The following TLE3 variants were observed in gnomAD, a reference collection of about 807,000 sequenced individuals.
TLE3 encodes transducin-like enhancer protein 3.
TLE3 carries 14 observed loss-of-function variants against 93.0 expected under a neutral mutation model. The ratio of observed to expected loss-of-function variants is 0.15; its 90% CI spans 0.10 to 0.24. TLE3 has a LOEUF of 0.24. TLE3 is among the 10% of genes least tolerant of loss of function. The pLI is 1.00. For synonymous variants in TLE3, 451 were observed against 425.0 expected (o/e 1.06, Z -0.75); for missense variants, 693 against 1,046.6 (o/e 0.66, Z 4.66).
At chr15:70,096,625 C>T (rs1436711731) in intron 1 of TLE3, 150 bp downstream of exon 1, 2 of 1,544,574 alleles carry the variant, frequency 1.3e-6, no homozygotes, top group Non-Finnish European at 1.7e-6. Flanking sequence ...CTCAACGGCG[C>T]CCCCCGGCCG....
Position 70,048,503 on chromosome 15 carries a change from A to G in TLE3, c.*1594T>C, listed in dbSNP as rs1226390439. 6.6e-6 allele frequency: 1 copy of G among 152,224 alleles called. No individual in the cohort carries two copies. Among genetic ancestry groups the G allele is most frequent in the Non-Finnish European group, 1.5e-5 (1 of 68,044 alleles). 9.4% of individuals were successfully genotyped at this position (152,224 alleles called of 1,614,324 possible). A position where few individuals can be genotyped will look rare whatever the true frequency, so the allele number is the denominator to read the frequency against. ...CTGGAGCCCCTCCCACCTCCTCAGC[A>G]GACGGAATCACACATTACAAAATAA... On this transcript the variant is annotated 3_prime_UTR_variant, in exon 20 of 20. Transcript: ENST00000451782.
chr15:70,095,245 C>A, intron 3 of TLE3: 1 of 1,188,776 alleles, frequency 8.4e-7, no homozygotes, highest in Non-Finnish European at 1.1e-6. Flanking sequence ...ATGGGCTGGT[C>A]CAATCCTATC....
chr15:70,074,849 G>A (rs1371824579), intron 5 of TLE3, among the ~76,000 whole-genome samples: 1 of 152,230 alleles, frequency 6.6e-6, no homozygotes, highest in Non-Finnish European at 1.5e-5. Flanking sequence ...CTAAAACAAA[G>A]AGCATGCCAA....
chr15:70,089,907 C>T (rs747096633), intron 4 of TLE3, among the ~76,000 whole-genome samples: 44 of 152,204 alleles, frequency 2.9e-4, no homozygotes, highest in Admixed American at 3.9e-4. Flanking sequence ...GTGTCTGCCA[C>T]GGGCTCCTGG....
Position 70,094,571 on chromosome 15 carries a change from A to G in TLE3, c.195T>C (p.Tyr65=), listed in dbSNP as rs750150010. The G allele has an allele frequency of 1.3e-6, 2 of 1,536,150 alleles. No individual in the cohort carries two copies. The highest frequency in any genetic ancestry group is 4.8e-5 in the East Asian group (2 of 42,092). The change falls in exon 4 of 20, where the codon TAT becomes TAC. Residue 65 remains tyrosine, a synonymous_variant. Transcript: ENST00000451782. ...CAATGTTCAAGCCATAGGACATCTC[A>G]TAGTACTAAAAGTAAAAAGAATGGC... is the stretch of plus-strand genomic sequence containing the variant. ...TEMQRHYVMY[Y]EMSYGLNIEM...
At chr15:70,066,291 G>T in intron 6 of TLE3, 73 bp from the exon 7 acceptor site, 1 of 1,323,020 alleles carries the variant, frequency 7.6e-7, no homozygotes, top group South Asian at 1.6e-5. Flanking sequence ...CAGGAGGGAG[G>T]GAGGGAGTGG....
intron 4 of TLE3, among the ~76,000 whole-genome samples, chr15:70,080,328 T>A (rs931458461): frequency 6.6e-6 from 1 of 152,234 alleles, no homozygotes; most frequent in African/African-American, 2.4e-5. Context: ...GAAAGCACTT[T>A]GGAAAAGGTG....
rs1245136216 is a variant in TLE3, at chr15:70,095,563, G to T, written c.189+15C>A. 1 of 1,550,096 alleles carries T rather than the reference G, an allele frequency of 6.5e-7. No homozygotes were observed. The highest frequency in any genetic ancestry group is 1.4e-5 in the African/African-American group (1 of 73,114). ...GGCGCCCCAACCGCCCCCCAGGCCC[G>T]CGGCCGCATCTCACCATCACATAAT... On this transcript the variant is annotated intron_variant, in intron 3 of 19. Coordinates refer to ENST00000451782, the MANE Select transcript of TLE3 (RefSeq NM_001105192.3).
At position 70,058,862 on chromosome 15, in the gene TLE3, C is replaced by G; in HGVS notation, c.766-47G>C. The G allele has an allele frequency of 6.7e-7, 1 of 1,500,846 alleles. No individual in the cohort carries two copies. The highest frequency in any genetic ancestry group is 8.9e-7 in the Non-Finnish European group (1 of 1,127,132). 93.0% of individuals were successfully genotyped at this position (1,500,846 alleles called of 1,614,324 possible). A position where few individuals can be genotyped will look rare whatever the true frequency, so the allele number is the denominator to read the frequency against. On this transcript the variant is annotated intron_variant, in intron 10 of 19. Transcript: ENST00000451782. The surrounding 1 kb of genome is among the most constrained non-coding windows in gnomAD (Gnocchi z 4.1). Reference sequence around the variant, plus strand: ...AGATGCACTGAAAGCAACAGCCAGCCTCGAGGCTTCCCTGCTCTGGGAGTG... The same window carrying G: ...AGATGCACTGAAAGCAACAGCCAGCGTCGAGGCTTCCCTGCTCTGGGAGTG...
At chr15:70,061,531 T>C (rs1248926521) in intron 8 of TLE3, among the ~76,000 whole-genome samples, 2 of 152,086 alleles carry the variant, frequency 1.3e-5, no homozygotes, top group Admixed American at 6.5e-5. Flanking sequence ...TAGGGGTTGA[T>C]AGTGGTCAGA....
At chr15:70,094,394 TG>T in intron 4 of TLE3, 137 bp downstream of exon 4, 1 of 681,624 alleles carries the variant, frequency 1.5e-6, no homozygotes, top group Middle Eastern at 3.7e-4. Flanking sequence ...TTTCAAGGAC[TG>T]GATCCATTCA....
At chr15:70,053,432 C>T (rs776267728) in intron 16 of TLE3, 58 bp from the exon 17 acceptor site, 281 of 1,546,790 alleles carry the variant, frequency 1.8e-4, no homozygotes, top group Non-Finnish European at 2.4e-4. Context: ...TGCCAGGTGG[C>T]GGCCATCCCA....
intron 6 of TLE3, among the ~76,000 whole-genome samples, chr15:70,074,038 G>A (rs1055025517): frequency 1.3e-5 from 2 of 152,270 alleles, no homozygotes; most frequent in Admixed American, 6.5e-5. Flanking sequence ...AGGCAGCTTC[G>A]CGCATGGGAC....
chr15:70,079,268 T>C (rs1362039353), intron 4 of TLE3: 2 of 432,288 alleles, frequency 4.6e-6, no homozygotes, highest in Non-Finnish European at 9.1e-6. Context: ...GGTAGTGGCA[T>C]TCAGGCTGTC....
chr15:70,095,999 G>A (rs2058539118), intron 2 of TLE3, 162 bp downstream of exon 2: 2 of 899,484 alleles, frequency 2.2e-6, no homozygotes, highest in Middle Eastern at 3.5e-4. Flanking sequence ...GCAGTAAAGG[G>A]TTAAGGCGGC....
intron 7 of TLE3, among the ~76,000 whole-genome samples, chr15:70,065,271 G>C (rs139183810): frequency 6.6e-6 from 1 of 152,218 alleles, no homozygotes; most frequent in Non-Finnish European, 1.5e-5. Flanking sequence ...TTTTTGAAAA[G>C]GGCCTCCCAG....
chr15:70,057,990 A>C, intron 12 of TLE3, 169 bp downstream of exon 12: 1 of 1,141,642 alleles, frequency 8.8e-7, no homozygotes, highest in Non-Finnish European at 1.2e-6. Context: ...GGGGTCCCAG[A>C]AACCCTGGTG....
Position 70,056,349 on chromosome 15 carries a change from A to G in TLE3, c.1277T>C (p.Met426Thr), listed in dbSNP as rs1380172426. The change falls in exon 14 of 20, where the codon ATG becomes ACG. Residue 426 changes from methionine (M) to threonine (T), a missense_variant. Met to Thr is a moderately conservative substitution (Grantham distance 81, BLOSUM62 -1). Transcript: ENST00000451782. ...GCTTGAGGGGAGGCCTGTGGCCCGC[A>G]TCGGGGGGTGAGGGTCAAAACCAAC... is the stretch of plus-strand genomic sequence containing the variant. ...GAVGFDPHPPMRATGLPSSLA... is the reference protein window; with the variant it reads ...GAVGFDPHPPTRATGLPSSLA... The G allele has an allele frequency of 6.2e-7, 1 of 1,613,550 alleles. No individual in the cohort carries two copies.
rs1024721575 is a variant in TLE3, at chr15:70,074,627, C to A, written c.298-20G>T. 15 of 1,596,416 alleles carry A rather than the reference C, an allele frequency of 9.4e-6. No homozygotes were observed. The highest frequency in any genetic ancestry group is 2.3e-5 in the East Asian group (1 of 44,334). On this transcript the variant is annotated intron_variant, in intron 5 of 19. Transcript: ENST00000451782. Reference sequence around the variant, plus strand: ...CTGGTGCTGGAGGGAAGAGGGTGTGCGTTAGATGCAGCCACTTTCCTGGAC... The same window carrying A: ...CTGGTGCTGGAGGGAAGAGGGTGTGAGTTAGATGCAGCCACTTTCCTGGAC...
Sources: allele counts gnomAD v4.1 joint callset (sites outside exome capture counted in the v4.1 genomes callset), GRCh38; gene constraint gnomAD v4.1.1; non-coding constraint Gnocchi (gnomAD v3.1); transcripts MANE v1.5; gene names NCBI Gene and HGNC (gene_info 2026-07-23, HGNC 2026-07-21).